The following ANKRD13D variants were observed in gnomAD, a reference collection of about 807,000 sequenced individuals.
ANKRD13D encodes the protein ankyrin repeat domain 13D.
Under a neutral mutation model 68.8 loss-of-function variants are expected in ANKRD13D, and 24 were observed. The ratio of observed to expected loss-of-function variants is 0.35; its 90% CI spans 0.25 to 0.49. The LOEUF is 0.49. Ranked by LOEUF, ANKRD13D falls within the 20% of genes least tolerant of loss-of-function variation. The probability of loss-of-function intolerance (pLI) is 0.99; values close to 1 mark genes in which losing one functional copy is unlikely to be tolerated. For missense variants in ANKRD13D, 735 were observed against 832.1 expected, an observed-to-expected ratio of 0.88 and a Z score of 1.44; for synonymous variants, 331 against 336.1, an observed-to-expected ratio of 0.98 and a Z score of 0.16.
At position 67,300,780 on chromosome 11, in the gene ANKRD13D, C is replaced by A; in HGVS notation, c.1074-210C>A. ...TGAGCTGGTACGAAATCCTCAGGAG[C>A]CCCAGCCTGGGCCCAGGGAGGAGGG... On this transcript the variant is annotated intron_variant, in intron 10 of 14. Transcript: ENST00000511455. The surrounding 1 kb of genome is among the most constrained non-coding windows in gnomAD (Gnocchi z 4.3). 1 of 612,372 alleles carries A rather than the reference C, an allele frequency of 1.6e-6. No individual in the cohort carries two copies. Among genetic ancestry groups the A allele is most frequent in the South Asian group, 2.0e-5 (1 of 48,982 alleles). 37.9% of individuals were successfully genotyped at this position (612,372 alleles called of 1,614,324 possible).
In ANKRD13D at chr11:67,300,078, C is replaced by CA; in HGVS notation, c.1029dup (p.Arg344ThrfsTer24). 1.2e-6 allele frequency: 2 copies of CA among 1,614,078 alleles called. No homozygotes were observed. The highest frequency in any genetic ancestry group is 1.7e-6 in the Non-Finnish European group (2 of 1,179,974). On this transcript the variant is annotated frameshift_variant, in exon 10 of 15. Coordinates refer to ENST00000511455, the MANE Select transcript of ANKRD13D (RefSeq NM_207354.3). LOFTEE classifies it high-confidence loss of function. The surrounding 1 kb of genome is among the most constrained non-coding windows in gnomAD (Gnocchi z 4.3). ...TTCGACCCCAACTTCAGCCTGGAGT[C>CA]ACGGAACATTGGCCGCCCCATCGAG...
In ANKRD13D at chr11:67,302,185, C is replaced by G. The variant is rs771048577; in HGVS notation, c.1671C>G (p.Pro557=). ...PRGPGSPPRT[P]PAPGPPSFEE... Reference sequence around the variant, plus strand: ...GCCCAGGATCCCCTCCCAGGACACCCCCAGCCCCCGGTCCACCCAGCTTTG... The same window carrying G: ...GCCCAGGATCCCCTCCCAGGACACCGCCAGCCCCCGGTCCACCCAGCTTTG... The change falls in exon 15 of 15, where the codon CCC becomes CCG. Residue 557 remains proline (P), a synonymous_variant. Coordinates refer to ENST00000511455, the MANE Select transcript of ANKRD13D (RefSeq NM_207354.3). The G allele has an allele frequency of 6.3e-7, 1 of 1,594,900 alleles. No individual in the cohort carries two copies. The highest frequency in any genetic ancestry group is 1.7e-5 in the Admixed American group (1 of 58,192).
rs112286896 is a variant in ANKRD13D, at chr11:67,300,129, G to A, written c.1073+6G>A. The A allele has an allele frequency of 6.2e-7, 1 of 1,613,672 alleles. No homozygotes were observed. Among genetic ancestry groups the A allele is most frequent in the African/African-American group, 1.3e-5 (1 of 74,898 alleles). On this transcript the variant is annotated splice_donor_region_variant and intron_variant, in intron 10 of 14. Coordinates refer to ENST00000511455, the MANE Select transcript of ANKRD13D (RefSeq NM_207354.3). The surrounding 1 kb of genome is among the most constrained non-coding windows in gnomAD (Gnocchi z 4.3). Reference sequence around the variant, plus strand: ...ATGTCCAGCAAAGTACAGAGGTGAGGTCTGAGAGCTGGCTGGGGACTTGCC... The same window carrying A: ...ATGTCCAGCAAAGTACAGAGGTGAGATCTGAGAGCTGGCTGGGGACTTGCC...
Position 67,302,176 on chromosome 11 carries a change from C to A in ANKRD13D, c.1662C>A (p.Pro554=). The change falls in exon 15 of 15, where the codon CCC becomes CCA. Residue 554 remains proline (P), a synonymous_variant. Coordinates refer to ENST00000511455, the MANE Select transcript of ANKRD13D (RefSeq NM_207354.3). The part of the protein sequence containing the change: ...STEPRGPGSP[P]RTPPAPGPPS... ...AGCCCAGGGGCCCAGGATCCCCTCC[C>A]AGGACACCCCCAGCCCCCGGTCCAC... 6.3e-7 allele frequency: 1 copy of A among 1,597,090 alleles called. No homozygotes were observed. The highest frequency in any genetic ancestry group is 2.3e-5 in the East Asian group (1 of 44,234).
rs551678736 is a variant in ANKRD13D, at chr11:67,300,396, G to T, written c.1073+273G>T. The T allele has an allele frequency of 4.4e-6, 2 of 457,852 alleles. No individual in the cohort carries two copies. Among genetic ancestry groups the T allele is most frequent in the Non-Finnish European group, 7.8e-6 (2 of 256,170 alleles). The allele number at this position is 457,852 out of a possible 1,614,324, so 28.4% of individuals were successfully genotyped here. ...TTCATGAGTACCTGCTGGGGCCAGC[G>T]TGGCACAGTGGGAAGGGCCCCCAGC... is the stretch of plus-strand genomic sequence containing the variant. On this transcript the variant is annotated intron_variant, in intron 10 of 14. Coordinates refer to ENST00000511455, the MANE Select transcript of ANKRD13D (RefSeq NM_207354.3). This position sits in a 1 kb window ranked among gnomAD's most constrained non-coding sequence, Gnocchi z 4.3.
intron 1 of ANKRD13D, 48 bp from the exon 2 acceptor site, chr11:67,290,030 C>CCT (rs1565074458): frequency 6.6e-7 from 1 of 1,518,316 alleles, no homozygotes; most frequent in South Asian, 1.2e-5. Context: ...AGCCTCCCTG[C>CCT]CTTGCCCTCT....
chr11:67,289,518 C>G lies in ANKRD13D; in HGVS notation c.58C>G (p.Arg20Gly). The G allele has an allele frequency of 6.6e-7, 1 of 1,522,710 alleles. No individual in the cohort carries two copies. The highest frequency in any genetic ancestry group is 1.2e-5 in the South Asian group (1 of 83,208). 94.3% of individuals were successfully genotyped at this position (1,522,710 alleles called of 1,614,324 possible). ...LHRLVWANRHRELEAALHSHQ... is the reference protein window; with the variant it reads ...LHRLVWANRHGELEAALHSHQ... The stretch of plus-strand genomic sequence containing the variant: ...CCGGCTCGTCTGGGCGAACCGGCAT[C>G]GCGAACTGGAGGCCGCACTGCACAG... The change falls in exon 1 of 15, where the codon CGC (arginine) becomes GGC (glycine). Residue 20 changes from arginine to glycine, a missense_variant. Arg to Gly is a moderately radical substitution (Grantham distance 125). Coordinates refer to ENST00000511455, the MANE Select transcript of ANKRD13D (RefSeq NM_207354.3).
intron 5 of ANKRD13D, 24 bp downstream of exon 5, chr11:67,291,770 C>A: frequency 6.2e-7 from 1 of 1,611,852 alleles, no homozygotes. Context: ...AAACTCATTG[C>A]AGCTCCTCGG....
At chr11:67,290,505 T>C in intron 3 of ANKRD13D, 59 bp downstream of exon 3, 1 of 1,510,676 alleles carries the variant, frequency 6.6e-7, no homozygotes, top group South Asian at 1.3e-5. Flanking sequence ...CCCTGGTTAC[T>C]GTGCCAGGCC....
chr11:67,289,621 GCCCCCCC>G, intron 1 of ANKRD13D, 71 bp downstream of exon 1: 1 of 807,414 alleles, frequency 1.2e-6, no homozygotes, highest in Non-Finnish European at 1.6e-6. Context: ...CCGTCCTGGA[GCCCCCCC>G]CCCCCCCCCG....
chr11:67,294,857 CTTAAT>C (rs993818101), intron 6 of ANKRD13D, among the ~76,000 whole-genome samples: 6 of 152,214 alleles, frequency 3.9e-5, no homozygotes, highest in African/African-American at 1.4e-4. Context: ...AAATGTTTTT[CTTAAT>C]TTTATTTTTT....
At chr11:67,291,373 AAAGAC>A in intron 3 of ANKRD13D, 98 bp from the exon 4 acceptor site, 1 of 1,183,808 alleles carries the variant, frequency 8.4e-7, no homozygotes, top group Admixed American at 2.7e-5. Context: ...AAAAAAAAAA[AAAGAC>A]CTGATGAAGG....
chr11:67,295,176 G>T (rs559306055), intron 6 of ANKRD13D, among the ~76,000 whole-genome samples: 2 of 152,254 alleles, frequency 1.3e-5, no homozygotes, highest in South Asian at 4.1e-4. Context: ...CCAGCACTTT[G>T]GGAGGCCGAG....
chr11:67,301,000 A>G lies in ANKRD13D; in HGVS notation c.1084A>G (p.Thr362Ala). The change falls in exon 11 of 15, where the codon ACA becomes GCA. Residue 362 changes from threonine to alanine, a missense_variant. Thr to Ala is a moderately conservative substitution (Grantham distance 58). Coordinates refer to ENST00000511455, the MANE Select transcript of ANKRD13D (RefSeq NM_207354.3). This position sits in a 1 kb window ranked among gnomAD's most constrained non-coding sequence, Gnocchi z 4.3. ...TGGTCGGCTGGGCAGGTTCAAGGCA[A>G]CACTGTGGCTGAGTGAAGAGCACCC... ...MSSKVQRFKA[T>A]LWLSEEHPLS... 1 of 1,613,872 alleles carries G rather than the reference A, an allele frequency of 6.2e-7. No individual in the cohort carries two copies. The highest frequency in any genetic ancestry group is 1.1e-5 in the South Asian group (1 of 91,086).
intron 1 of ANKRD13D, 120 bp downstream of exon 1, chr11:67,289,670 T>G: frequency 2.8e-6 from 3 of 1,089,676 alleles, no homozygotes; most frequent in Non-Finnish European, 3.6e-6. Context: ...ATCCTGGGCC[T>G]TCCTCCCCTG....
intron 6 of ANKRD13D, among the ~76,000 whole-genome samples, chr11:67,297,573 T>G (rs1240264711): frequency 1.3e-5 from 2 of 148,850 alleles, no homozygotes; most frequent in Admixed American, 6.9e-5. Flanking sequence ...TCGCCCAGGC[T>G]GGAGTGCAGT....
Position 67,301,042 on chromosome 11 carries a change from C to T in ANKRD13D, c.1126C>T (p.Gln376Ter), listed in dbSNP as rs1389371643. ...AGAGCACCCGCTCTCCCTGGGTGACCAGGTGACCCCCATCATCGACCTAAT... is the reference window on the plus strand; with the variant it reads ...AGAGCACCCGCTCTCCCTGGGTGACTAGGTGACCCCCATCATCGACCTAAT... Reference protein sequence around the residue: ...SEEHPLSLGDQVTPIIDLMAI... With the variant: ...SEEHPLSLGD The change falls in exon 11 of 15, where the codon CAG becomes TAG. Residue 376 changes from glutamine to a stop codon, truncating the protein, a stop_gained. Transcript: ENST00000511455. LOFTEE classifies it high-confidence loss of function. The surrounding 1 kb of genome is among the most constrained non-coding windows in gnomAD (Gnocchi z 4.5). 1 of 1,613,906 alleles carries T rather than the reference C, an allele frequency of 6.2e-7. No individual in the cohort carries two copies. Among genetic ancestry groups the T allele is most frequent in the Non-Finnish European group, 8.5e-7 (1 of 1,180,038 alleles).
chr11:67,301,059 C>T lies in ANKRD13D; in HGVS notation c.1143C>T (p.Ile381=), dbSNP rs61740832. Residue 381 remains isoleucine, a synonymous_variant, in exon 11 of 15, where the codon ATC becomes ATT. Coordinates refer to ENST00000511455, the MANE Select transcript of ANKRD13D (RefSeq NM_207354.3). This position sits in a 1 kb window ranked among gnomAD's most constrained non-coding sequence, Gnocchi z 4.5. ...TGGGTGACCAGGTGACCCCCATCAT[C>T]GACCTAATGGCCATCAGCAACGCTC... ...LSLGDQVTPI[I]DLMAISNAHF... 3.5e-3 allele frequency: 5,611 copies of T among 1,614,048 alleles called. 20 individuals carry two copies. Among genetic ancestry groups the T allele is most frequent in the East Asian group, 0.015 (656 of 44,884 alleles).
Position 67,291,667 on chromosome 11 carries a change from G to T in ANKRD13D, c.462G>T (p.Leu154=). Residue 154 remains leucine, a synonymous_variant, in exon 5 of 15, where the codon CTG becomes CTT. Coordinates refer to ENST00000511455, the MANE Select transcript of ANKRD13D (RefSeq NM_207354.3). ...VYRVWKRGES[L]RVDTSLLGFE... is the part of the protein sequence containing the mutation. ...GCGTGTGGAAGCGGGGTGAGAGCCT[G>T]CGAGTAGACACCAGTCTCCTGGGCT... is the stretch of plus-strand genomic sequence containing the variant. 2 of 1,614,142 alleles carry T rather than the reference G, an allele frequency of 1.2e-6. No individual in the cohort carries two copies. Among genetic ancestry groups the T allele is most frequent in the Non-Finnish European group, 1.7e-6 (2 of 1,180,050 alleles).
Sources: gnomAD v4.1 joint callset for allele counts (sites outside exome capture counted in the v4.1 genomes callset) on GRCh38, gnomAD v4.1.1 for gene constraint, Gnocchi (gnomAD v3.1) non-coding constraint, MANE v1.5 for transcripts, NCBI Gene and HGNC (gene_info 2026-07-23, HGNC 2026-07-21) for gene names.